UBE4B: variants seen among roughly 807,000 people sequenced by gnomAD.
UBE4B encodes ubiquitination factor E4B, also known as ubiquitin conjugation factor E4 B.
Under a neutral mutation model 148.1 loss-of-function variants are expected in UBE4B, and 27 were observed. The observed-to-expected ratio is 0.18, with a 90% CI of 0.13 to 0.25. The LOEUF (loss-of-function observed/expected upper bound fraction) is 0.25, where lower values mean the gene tolerates loss of function less well. Among genes scored for constraint, UBE4B ranks in the 10% least tolerant of loss-of-function variants. The pLI, the probability that UBE4B is intolerant of heterozygous loss-of-function variation, is 1.00. For missense variants in UBE4B, 1,170 were observed against 1,662.4 expected (o/e 0.70, Z 5.15); for synonymous variants, 596 against 619.3 (o/e 0.96, Z 0.56).
chr1:10,136,944 C>T (rs563264465), intron 16 of UBE4B, 123 bp from the exon 17 acceptor site: 4 of 1,076,008 alleles, frequency 3.7e-6, no homozygotes, highest in Non-Finnish European at 5.2e-6. Flanking sequence ...AATAAATAAA[C>T]AAATAAAAAG....
At chr1:10,175,725 GCAGT>G (rs1302507495) in intron 25 of UBE4B, among the ~76,000 whole-genome samples, 5 of 152,142 alleles carry the variant, frequency 3.3e-5, no homozygotes, top group East Asian at 1.9e-4. Flanking sequence ...CTTCCCCCAT[GCAGT>G]CAGTCTTTCC....
At chr1:10,039,583 C>G (rs1643678347) in intron 1 of UBE4B, among the ~76,000 whole-genome samples, 1 of 151,192 alleles carries the variant, frequency 6.6e-6, no homozygotes, top group Admixed American at 6.6e-5. Context: ...GTGCATGCCA[C>G]CATGCCCTGC....
intron 7 of UBE4B, among the ~76,000 whole-genome samples, chr1:10,112,381 T>C (rs553417454): frequency 3.0e-4 from 46 of 152,304 alleles, no homozygotes; most frequent in Non-Finnish European, 6.5e-4. Context: ...TTTAAATATT[T>C]AGAAATATTT....
In UBE4B at chr1:10,040,121, CT is replaced by C. The variant is rs752593191; in HGVS notation, c.24+6440del. Among the ~76,000 whole-genome samples the C allele has an allele frequency of 1.8e-3, 256 of 142,542 alleles. 1 individual carries two copies. Among genetic ancestry groups the C allele is most frequent in the Middle Eastern group, 3.8e-3 (1 of 260 alleles). The allele number at this position is 142,542 out of a possible 152,430, so 93.5% of individuals were successfully genotyped here. ...CAGATTTTGGAGAAAGCACATGTTT[CT>C]TTTTTTTTTTTTCGTCTTTTGAGAC... is the stretch of plus-strand genomic sequence containing the variant. On this transcript the variant is annotated intron_variant, in intron 1 of 27. Coordinates refer to ENST00000343090, the MANE Select transcript of UBE4B (RefSeq NM_001105562.3).
At position 10,180,275 on chromosome 1, in the gene UBE4B, C is replaced by A; in HGVS notation, c.*319C>A. 1 of 342,058 alleles carries A rather than the reference C, an allele frequency of 2.9e-6. No individual in the cohort carries two copies. Among genetic ancestry groups the A allele is most frequent in the Non-Finnish European group, 5.3e-6 (1 of 187,896 alleles). The allele number at this position is 342,058 out of a possible 1,614,324, so 21.2% of individuals were successfully genotyped here. On this transcript the variant is annotated 3_prime_UTR_variant, in exon 28 of 28. Coordinates refer to ENST00000343090, the MANE Select transcript of UBE4B (RefSeq NM_001105562.3). ...AGTCTTTTAGTGATGGCTAATGGGT[C>A]TGGGCAGCATCCCTTCATGAATTTT...
Position 10,106,243 on chromosome 1 carries a change from G to C in UBE4B, c.856G>C (p.Val286Leu). Residue 286 changes from valine (V) to leucine (L), a missense_variant, in exon 7 of 28, where the codon GTT becomes CTT. Val to Leu is a conservative substitution (Grantham distance 32). Transcript: ENST00000343090. The surrounding 1 kb of genome is among the most constrained non-coding windows in gnomAD (Gnocchi z 4.2). Reference protein sequence around the residue: ...PAPTPSFWSSVPVMGPSLASP... With the variant: ...PAPTPSFWSSLPVMGPSLASP... The stretch of plus-strand genomic sequence containing the variant: ...TCCCACTCCCAGTTTCTGGAGCTCT[G>C]TTCCCGTGATGGGCCCGTCTCTTGC... 1 of 1,613,556 alleles carries C rather than the reference G, an allele frequency of 6.2e-7. No homozygotes were observed. The highest frequency in any genetic ancestry group is 8.5e-7 in the Non-Finnish European group (1 of 1,179,622).
intron 17 of UBE4B, among the ~76,000 whole-genome samples, chr1:10,141,386 G>GT (rs1265077632): frequency 6.6e-6 from 1 of 152,078 alleles, no homozygotes; most frequent in Non-Finnish European, 1.5e-5. Flanking sequence ...GGTTGGAGTG[G>GT]TTTGGGGTCA....
chr1:10,106,382 C>A lies in UBE4B; in HGVS notation c.995C>A (p.Pro332His). ...CAGCCTTCATCCCCGCGGTATCGCC[C>A]CTACACTGTCACTCACCCATGGGCG... Reference protein sequence around the residue: ...GSQPSSPRYRPYTVTHPWASS... With the variant: ...GSQPSSPRYRHYTVTHPWASS... The change falls in exon 7 of 28, where the codon CCC becomes CAC. Residue 332 changes from proline (P) to histidine (H), a missense_variant. By Grantham distance (77) the Pro-to-His change is moderately conservative. Transcript: ENST00000343090. This position sits in a 1 kb window ranked among gnomAD's most constrained non-coding sequence, Gnocchi z 4.2. 6.2e-7 allele frequency: 1 copy of A among 1,613,682 alleles called. No homozygotes were observed. The highest frequency in any genetic ancestry group is 8.5e-7 in the Non-Finnish European group (1 of 1,179,682).
chr1:10,054,188 A>G (rs1644116308), intron 1 of UBE4B, among the ~76,000 whole-genome samples: 1 of 152,134 alleles, frequency 6.6e-6, no homozygotes, highest in Non-Finnish European at 1.5e-5. Flanking sequence ...ACTATCTTCA[A>G]ACCAATACAA....
chr1:10,051,322 G>A lies in UBE4B; in HGVS notation c.24+17628G>A, dbSNP rs76304013. ...GATTAATTGGAGTGATGTGAAGTGT[G>A]CATGGTGTAGTGACCTGGCCGAGTG... is the stretch of plus-strand genomic sequence containing the variant. On this transcript the variant is annotated intron_variant, in intron 1 of 27. Coordinates refer to ENST00000343090, the MANE Select transcript of UBE4B (RefSeq NM_001105562.3). Among the ~76,000 whole-genome samples the A allele has an allele frequency of 4.8e-3, 738 of 152,310 alleles. 3 individuals carry two copies. Among genetic ancestry groups the A allele is most frequent in the Middle Eastern group, 0.01 (3 of 294 alleles).
chr1:10,033,497 A>G lies in UBE4B; in HGVS notation c.-174A>G. 1.6e-6 allele frequency: 1 copy of G among 621,726 alleles called. No homozygotes were observed. Among genetic ancestry groups the G allele is most frequent in the East Asian group, 3.4e-5 (1 of 29,154 alleles). The allele number at this position is 621,726 out of a possible 1,614,324, so 38.5% of individuals were successfully genotyped here. A position where few individuals can be genotyped will look rare whatever the true frequency, so the allele number is the denominator to read the frequency against. On this transcript the variant is annotated 5_prime_UTR_variant, in exon 1 of 28. Coordinates refer to ENST00000343090, the MANE Select transcript of UBE4B (RefSeq NM_001105562.3). ...CGACTGGAGTGACCGAAGCCAAGGC[A>G]GTTTAGTGCCTCTCGTGTTCTTATT... is the stretch of plus-strand genomic sequence containing the variant.
rs375507657 is a variant in UBE4B, at chr1:10,149,155, A to G, written c.2592-29A>G. On this transcript the variant is annotated intron_variant, in intron 19 of 27. Coordinates refer to ENST00000343090, the MANE Select transcript of UBE4B (RefSeq NM_001105562.3). ...GTTTGATGTACCATAATTTCATTTA[A>G]TAAATTGTCCTTTTTTTCTCTTTGA... The G allele has an allele frequency of 1.2e-5, 18 of 1,496,128 alleles. No homozygotes were observed. In the African/African-American group the frequency reaches 1.3e-4, roughly 11 times the overall value. 92.7% of individuals were successfully genotyped at this position (1,496,128 alleles called of 1,614,324 possible). A position where few individuals can be genotyped will look rare whatever the true frequency, so the allele number is the denominator to read the frequency against.
intron 23 of UBE4B, among the ~76,000 whole-genome samples, chr1:10,166,933 TAAA>T (rs1334698992): frequency 6.7e-5 from 8 of 119,414 alleles, no homozygotes; most frequent in Non-Finnish European, 1.4e-4. Context: ...TCAAAAAAAA[TAAA>T]TAAATCACAC....
At chr1:10,083,613 C>T (rs1200757548) in intron 2 of UBE4B, among the ~76,000 whole-genome samples, 1 of 151,906 alleles carries the variant, frequency 6.6e-6, no homozygotes, top group Non-Finnish European at 1.5e-5. Context: ...AGAAAGAATT[C>T]GAGGGTGGTT....
intron 21 of UBE4B, among the ~76,000 whole-genome samples, chr1:10,156,985 T>C (rs963005759): frequency 3.3e-5 from 5 of 151,696 alleles, no homozygotes; most frequent in Non-Finnish European, 7.4e-5. Context: ...CTAGGCAACA[T>C]AGTGAGACCC....
intron 1 of UBE4B, among the ~76,000 whole-genome samples, chr1:10,055,716 T>C (rs1165461414): frequency 6.6e-6 from 1 of 152,130 alleles, no homozygotes; most frequent in Non-Finnish European, 1.5e-5. Flanking sequence ...GATGAGGAGT[T>C]TGAGACCAGC....
chr1:10,055,200 G>A (rs1197459317), intron 1 of UBE4B, among the ~76,000 whole-genome samples: 1 of 152,224 alleles, frequency 6.6e-6, no homozygotes, highest in African/African-American at 2.4e-5. Context: ...TGGGTTGTGA[G>A]TGGGAGAATT....
chr1:10,091,613 A>AT (rs1314284560), intron 2 of UBE4B, among the ~76,000 whole-genome samples: 7 of 149,052 alleles, frequency 4.7e-5, no homozygotes, highest in South Asian at 4.3e-4. Flanking sequence ...CCTAATTTTT[A>AT]TTTTTTTTTT....
intron 1 of UBE4B, among the ~76,000 whole-genome samples, chr1:10,071,449 A>C (rs1644482731): frequency 6.6e-6 from 1 of 152,110 alleles, no homozygotes. Context: ...TTAGCTGGAC[A>C]TGGTGGTTTG....
Sources: allele counts gnomAD v4.1 joint callset (sites outside exome capture counted in the v4.1 genomes callset), GRCh38; gene constraint gnomAD v4.1.1; non-coding constraint Gnocchi (gnomAD v3.1); transcripts MANE v1.5; gene names NCBI Gene and HGNC (gene_info 2026-07-23, HGNC 2026-07-21).